ZPBP: variants seen among roughly 807,000 people sequenced by gnomAD.
ZPBP encodes zona pellucida binding protein.
ZPBP carries 26 observed loss-of-function variants against 44.8 expected under a neutral mutation model. The observed-to-expected ratio is 0.58, with a 90% CI of 0.43 to 0.81. The LOEUF is 0.81. ZPBP is among the 30% of genes least tolerant of loss of function. The pLI is 0.00. For synonymous variants in ZPBP, 174 were observed against 153.2 expected (o/e 1.14, Z -1.00); for missense variants, 409 against 434.0 (o/e 0.94, Z 0.51).
chr7:49,968,640 A>G (rs1222727155), intron 7 of ZPBP, among the ~76,000 whole-genome samples: 1 of 152,110 alleles, frequency 6.6e-6, no homozygotes, highest in Non-Finnish European at 1.5e-5. Context: ...AAGCTAGTAT[A>G]ATATGCCAGG....
At chr7:49,883,397 A>G (rs1455341943) in intron 2 of ZPBP, among the ~76,000 whole-genome samples, 1 of 152,212 alleles carries the variant, frequency 6.6e-6, no homozygotes, top group Non-Finnish European at 1.5e-5. Context: ...AAAAAATAGG[A>G]AAAACAATTT....
At chr7:49,912,188 G>A (rs372486805) in intron 1 of ZPBP, 241 of 1,612,984 alleles carry the variant, frequency 1.5e-4, no homozygotes, top group Admixed American at 5.3e-4. Context: ...AAATGTAGAC[G>A]CTTCCCAGAA....
In ZPBP at chr7:49,861,670, A is replaced by G. The variant is rs577570665; in HGVS notation, n.510-11156T>C. ...AGGCCAATTTTGAGTTAATTTTTGTATATGGTATGAGGTAGGGGACCAACT... is the reference window on the plus strand; with the variant it reads ...AGGCCAATTTTGAGTTAATTTTTGTGTATGGTATGAGGTAGGGGACCAACT... On this transcript the variant is annotated intron_variant and non_coding_transcript_variant, in intron 2 of 2. Coordinates refer to the ZPBP transcript ENST00000465922. 5.8e-4 allele frequency among the ~76,000 whole-genome samples: 88 copies of G among 152,286 alleles called. 1 individual carries two copies. The highest frequency in any genetic ancestry group is 1.1e-3 in the Non-Finnish European group (76 of 68,022).
intron 2 of ZPBP, among the ~76,000 whole-genome samples, chr7:49,851,773 G>A (rs752967000): frequency 3.3e-5 from 5 of 151,894 alleles, no homozygotes; most frequent in African/African-American, 9.7e-5. Flanking sequence ...AAGGAGAATC[G>A]CTTGAACCCA....
intron 2 of ZPBP, among the ~76,000 whole-genome samples, chr7:49,859,548 G>A (rs1227256769): frequency 6.6e-6 from 1 of 152,182 alleles, no homozygotes; most frequent in Non-Finnish European, 1.5e-5. Context: ...GGGACCCTCA[G>A]TACATCCTCT....
intron 3 of ZPBP, among the ~76,000 whole-genome samples, chr7:50,069,288 T>C (rs1260238014): frequency 6.6e-6 from 1 of 152,156 alleles, no homozygotes; most frequent in African/African-American, 2.4e-5. Flanking sequence ...AGAGACTTTT[T>C]TTTTGTCTCA....
chr7:49,860,993 G>C (rs1790629057), intron 2 of ZPBP, among the ~76,000 whole-genome samples: 1 of 152,210 alleles, frequency 6.6e-6, no homozygotes, highest in Non-Finnish European at 1.5e-5. Context: ...AAACCAGTCT[G>C]TGGTATTTTA....
At chr7:50,048,957 T>C (rs1025665100) in intron 4 of ZPBP, among the ~76,000 whole-genome samples, 3 of 151,792 alleles carry the variant, frequency 2.0e-5, no homozygotes, top group Non-Finnish European at 4.4e-5. Context: ...AAACAAGAGA[T>C]AGAAGACTCA....
At chr7:49,883,908 G>A (rs764844694) in intron 2 of ZPBP, among the ~76,000 whole-genome samples, 10 of 152,298 alleles carry the variant, frequency 6.6e-5, no homozygotes, top group Admixed American at 1.3e-4. Flanking sequence ...TGCTGGCTTC[G>A]GATTGTCTTC....
intron 2 of ZPBP, among the ~76,000 whole-genome samples, chr7:49,892,021 G>C (rs1179288248): frequency 7.4e-6 from 1 of 135,780 alleles, no homozygotes; most frequent in African/African-American, 2.7e-5. Context: ...TGGCAGAACA[G>C]ACAAAGTAGA....
chr7:49,945,953 C>A (rs1472041612), intron 7 of ZPBP, among the ~76,000 whole-genome samples: 1 of 151,918 alleles, frequency 6.6e-6, no homozygotes, highest in African/African-American at 2.4e-5. Context: ...GTGATTTTCT[C>A]TGGTGGTATA....
intron 6 of ZPBP, among the ~76,000 whole-genome samples, chr7:50,004,404 C>T (rs1312491062): frequency 6.6e-6 from 1 of 151,220 alleles, no homozygotes; most frequent in Middle Eastern, 3.2e-3. Context: ...TGTAGGCCTC[C>T]CTGGTTTTGA....
chr7:49,864,073 TTTGTTG>T (rs143006334), intron 2 of ZPBP, among the ~76,000 whole-genome samples: 1 of 151,964 alleles, frequency 6.6e-6, no homozygotes, highest in Non-Finnish European at 1.5e-5. Context: ...GTCTCCTGTT[TTTGTTG>T]TTGTTGTTGT....
chr7:49,937,538 G>A lies in ZPBP; in HGVS notation c.1046C>T (p.Thr349Met), dbSNP rs749913077. 1.1e-5 allele frequency: 17 copies of A among 1,613,096 alleles called. No individual in the cohort carries two copies. The highest frequency in any genetic ancestry group is 1.4e-5 in the Non-Finnish European group (17 of 1,179,364). ...CNSSLVYGAK[T>M]CL is the part of the protein sequence containing the mutation. ...ACTGAAGATAATGGCTTATAAGCACGTTTTTGCTCCATACACCAGGCTGCT... is the reference window on the plus strand; with the variant it reads ...ACTGAAGATAATGGCTTATAAGCACATTTTTGCTCCATACACCAGGCTGCT... The change falls in exon 8 of 8, where the codon ACG (threonine) becomes ATG (methionine). Residue 349 changes from threonine (T) to methionine (M), a missense_variant. This residue lies in a region of ZPBP where 42 missense variants were observed against 71.0 expected (regional missense o/e 0.59). Transcript: ENST00000046087.
intron 4 of ZPBP, among the ~76,000 whole-genome samples, chr7:50,054,344 G>A (rs1420914609): frequency 6.6e-6 from 1 of 152,014 alleles, no homozygotes; most frequent in Non-Finnish European, 1.5e-5. Context: ...CATAAGAAAA[G>A]ACTAGTATCC....
intron 2 of ZPBP, among the ~76,000 whole-genome samples, chr7:49,883,283 G>C (rs190232324): frequency 2.6e-5 from 4 of 152,056 alleles, no homozygotes; most frequent in African/African-American, 9.7e-5. Flanking sequence ...GCGAATCCAG[G>C]GCACTGCCAT....
chr7:49,841,657 GC>G, the ZPBP span, among the ~76,000 whole-genome samples: 1 of 152,164 alleles, frequency 6.6e-6, no homozygotes, highest in South Asian at 2.1e-4. Flanking sequence ...ACTCAGGGAG[GC>G]CCTGCAGTAG....
chr7:50,051,639 A>G (rs1800704983), intron 4 of ZPBP, among the ~76,000 whole-genome samples: 1 of 152,186 alleles, frequency 6.6e-6, no homozygotes, highest in Non-Finnish European at 1.5e-5. Flanking sequence ...ATAAAAAGGA[A>G]CAAGATCATG....
In ZPBP at chr7:50,091,167, GT is replaced by G. The variant is rs201041658; in HGVS notation, c.128-1459del. Among the ~76,000 whole-genome samples the G allele has an allele frequency of 7.9e-5, 12 of 151,306 alleles. 1 individual carries two copies. Among genetic ancestry groups the G allele is most frequent in the South Asian group, 4.2e-4 (2 of 4,780 alleles). ...CCCACTTTTTGATGGGACTGTTGGG[GT>G]TTTTTTTCATGCTAATTTGTTTGAG... On this transcript the variant is annotated intron_variant, in intron 1 of 7. Coordinates refer to ENST00000046087, the MANE Select transcript of ZPBP (RefSeq NM_007009.3).
Sources: gnomAD v4.1 joint callset for allele counts (sites outside exome capture counted in the v4.1 genomes callset) on GRCh38, gnomAD v4.1.1 for gene constraint, gnomAD v4.1.1 regional missense constraint, MANE v1.5 for transcripts, NCBI Gene and HGNC (gene_info 2026-07-23, HGNC 2026-07-21) for gene names.